PHRF1: variants seen among roughly 807,000 people sequenced by gnomAD.
PHRF1 encodes PHD and ring finger domains 1.
PHRF1 carries 53 observed loss-of-function variants against 128.9 expected under a neutral mutation model. That is an observed-to-expected ratio of 0.41 (90% CI 0.33 to 0.52). The LOEUF is 0.52. Ranked by LOEUF, PHRF1 falls within the 20% of genes least tolerant of loss-of-function variation. PHRF1 has a pLI of 0.21. For missense variants in PHRF1, 2,503 were observed against 2,284.5 expected, an observed-to-expected ratio of 1.10 and a Z score of -1.95; for synonymous variants, 1,178 against 980.6, an observed-to-expected ratio of 1.20 and a Z score of -3.76.
intron 15 of PHRF1, 56 bp downstream of exon 15, chr11:610,403 C>T (rs939342514): frequency 1.3e-6 from 2 of 1,535,698 alleles, no homozygotes; most frequent in South Asian, 1.2e-5. Context: ...GCACCCGTGC[C>T]ACACACACCA....
rs765665844 is a variant in PHRF1 at position 611,061 on chromosome 11, C to T, written c.4785C>T (p.Ile1595=). 57 of 1,613,022 alleles carry T rather than the reference C, an allele frequency of 3.5e-5. No homozygotes were observed. Among genetic ancestry groups the T allele is most frequent in the Non-Finnish European group, 4.5e-5 (53 of 1,179,720 alleles). Residue 1595 remains isoleucine, a synonymous_variant, in exon 17 of 18, where the codon ATC becomes ATT. Transcript: ENST00000264555. ...TGACCAAGGAGGAGTACAAGGACATCCTGCGCAAGGCCGTGCAGAAGGTGG... is the reference window on the plus strand; with the variant it reads ...TGACCAAGGAGGAGTACAAGGACATTCTGCGCAAGGCCGTGCAGAAGGTGG... ...REVTKEEYKD[I]LRKAVQKICH...
chr11:588,670 C>T (rs369155682), intron 4 of PHRF1, among the ~76,000 whole-genome samples: 7 of 152,220 alleles, frequency 4.6e-5, no homozygotes, highest in African/African-American at 1.4e-4. Context: ...TGAGCCACCA[C>T]GCCCGGCCAT....
At chr11:592,065 G>A (rs1855003014) in intron 5 of PHRF1, among the ~76,000 whole-genome samples, 2 of 152,038 alleles carry the variant, frequency 1.3e-5, no homozygotes, top group African/African-American at 2.4e-5. Flanking sequence ...ACAGGCACCC[G>A]CCACCACGCC....
intron 2 of PHRF1, 73 bp from the exon 3 acceptor site, chr11:581,889 G>A: frequency 6.7e-7 from 1 of 1,485,256 alleles, no homozygotes; most frequent in Non-Finnish European, 8.9e-7. Context: ...CTCTATGCCT[G>A]TGCAAAGCAA....
Position 610,183 on chromosome 11 carries a change from G to T in PHRF1, c.4265-13G>T. 1 of 1,495,640 alleles carries T rather than the reference G, an allele frequency of 6.7e-7. No homozygotes were observed. The highest frequency in any genetic ancestry group is 9.0e-7 in the Non-Finnish European group (1 of 1,116,870). The allele number at this position is 1,495,640 out of a possible 1,614,324, so 92.6% of individuals were successfully genotyped here. A position where few individuals can be genotyped will look rare whatever the true frequency, so the allele number is the denominator to read the frequency against. On this transcript the variant is annotated splice_polypyrimidine_tract_variant and intron_variant, in intron 14 of 17. Coordinates refer to ENST00000264555, the MANE Select transcript of PHRF1 (RefSeq NM_001286581.2). ...GCACAGAGCACCCACCTCCCTGTCTGTCGGGCCCCCAGGGGCACCACTTCA... is the reference window on the plus strand; with the variant it reads ...GCACAGAGCACCCACCTCCCTGTCTTTCGGGCCCCCAGGGGCACCACTTCA...
At chr11:598,739 A>G (rs949403582) in intron 9 of PHRF1, among the ~76,000 whole-genome samples, 10 of 152,188 alleles carry the variant, frequency 6.6e-5, no homozygotes, top group Non-Finnish European at 4.4e-5. Context: ...GCCTTCCCGC[A>G]TTGTTCCCCT....
At chr11:606,913 C>G in intron 13 of PHRF1, 153 bp from the exon 14 acceptor site, 1 of 1,273,084 alleles carries the variant, frequency 7.9e-7, no homozygotes, top group Non-Finnish European at 1.1e-6. Flanking sequence ...AAGCAGCTCT[C>G]CGGGTGTGGA....
chr11:610,226 G>T lies in PHRF1; in HGVS notation c.4295G>T (p.Arg1432Leu). ...RAPLHRPQKP[R>L]EGAWDMEDVA... is the part of the protein sequence containing the mutation. ...CCACTTCACAGGCCACAGAAGCCCCGAGAAGGAGCCTGGGACATGGAGGAT... is the reference window on the plus strand; with the variant it reads ...CCACTTCACAGGCCACAGAAGCCCCTAGAAGGAGCCTGGGACATGGAGGAT... The change falls in exon 15 of 18, where the codon CGA becomes CTA. Residue 1432 changes from arginine (R) to leucine (L), a missense_variant. Coordinates refer to ENST00000264555, the MANE Select transcript of PHRF1 (RefSeq NM_001286581.2). 1 of 1,545,830 alleles carries T rather than the reference G, an allele frequency of 6.5e-7. No homozygotes were observed. The highest frequency in any genetic ancestry group is 8.7e-7 in the Non-Finnish European group (1 of 1,143,698).
At position 607,059 on chromosome 11, in the gene PHRF1, T is replaced by A. The variant is rs1173715400; in HGVS notation, c.1610-7T>A. On this transcript the variant is annotated splice_region_variant and splice_polypyrimidine_tract_variant and intron_variant, in intron 13 of 17. Coordinates refer to ENST00000264555, the MANE Select transcript of PHRF1 (RefSeq NM_001286581.2). ...AAATGATTGCCATTGACTTTTTTGT[T>A]TTTTAGCTCCAGTTTCTTTTCAGCG... 1.3e-6 allele frequency: 2 copies of A among 1,547,960 alleles called. No homozygotes were observed. The highest frequency in any genetic ancestry group is 1.7e-6 in the Non-Finnish European group (2 of 1,146,838).
chr11:609,298 T>C lies in PHRF1; in HGVS notation c.3842T>C (p.Ile1281Thr). 1.9e-6 allele frequency: 3 copies of C among 1,612,456 alleles called. No homozygotes were observed. Among genetic ancestry groups the C allele is most frequent in the Non-Finnish European group, 2.5e-6 (3 of 1,179,886 alleles). ...FDDFSSDAVF[I>T]QLDDMSSPPS... ...GATTTCTCAAGCGACGCCGTTTTCA[T>C]CCAGCTCGATGACATGAGCTCGCCA... is the stretch of plus-strand genomic sequence containing the variant. Residue 1281 changes from isoleucine (I) to threonine (T), a missense_variant, in exon 14 of 18, where the codon ATC (isoleucine) becomes ACC (threonine). Coordinates refer to ENST00000264555, the MANE Select transcript of PHRF1 (RefSeq NM_001286581.2).
intron 10 of PHRF1, among the ~76,000 whole-genome samples, chr11:604,146 C>T (rs143852248): frequency 6.6e-6 from 1 of 152,382 alleles, no homozygotes; most frequent in East Asian, 1.9e-4. Context: ...CCTGGGCTCT[C>T]CCTTTGCTTT....
intron 3 of PHRF1, among the ~76,000 whole-genome samples, chr11:585,821 T>C (rs1173981488): frequency 6.8e-6 from 1 of 147,920 alleles, no homozygotes; most frequent in Non-Finnish European, 1.5e-5. Context: ...GCTGGGACTA[T>C]AGGCACCTGC....
At position 592,585 on chromosome 11, in the gene PHRF1, C is replaced by CGAG. The variant is rs753201346; in HGVS notation, c.543_545dup (p.Glu181dup). 1.2e-6 allele frequency: 2 copies of CGAG among 1,613,866 alleles called. No individual in the cohort carries two copies. Among genetic ancestry groups the CGAG allele is most frequent in the Admixed American group, 1.7e-5 (1 of 60,014 alleles). On this transcript the variant is annotated inframe_insertion, in exon 6 of 18. Coordinates refer to ENST00000264555, the MANE Select transcript of PHRF1 (RefSeq NM_001286581.2). ...TCCCAGTGGAGAACACCAAAGCGAG[C>CGAG]GAGGAGGAGGAGGACCCGACCTTCT...
chr11:596,911 T>C lies in PHRF1; in HGVS notation c.621-12T>C, dbSNP rs896806847. The C allele has an allele frequency of 1.7e-5, 28 of 1,612,550 alleles. No individual in the cohort carries two copies. Among genetic ancestry groups the C allele is most frequent in the Non-Finnish European group, 2.3e-5 (27 of 1,178,844 alleles). Reference sequence around the variant, plus strand: ...CAGCACCCGGATGCTTTGGCCCTGCTCTCTCCTGTAGGTACCACATGGAAT... The same window carrying C: ...CAGCACCCGGATGCTTTGGCCCTGCCCTCTCCTGTAGGTACCACATGGAAT... On this transcript the variant is annotated splice_polypyrimidine_tract_variant and intron_variant, in intron 6 of 17. Coordinates refer to ENST00000264555, the MANE Select transcript of PHRF1 (RefSeq NM_001286581.2).
At position 592,600 on chromosome 11, in the gene PHRF1, C is replaced by G; in HGVS notation, c.546C>G (p.Asp182Glu). ...CCAAAGCGAGCGAGGAGGAGGAGGA[C>G]CCGACCTTCTGTGAGGTGTGCGGCA... is the stretch of plus-strand genomic sequence containing the variant. ...ENTKASEEEE[D>E]PTFCEVCGRS... Residue 182 changes from aspartate (D) to glutamate (E), a missense_variant, in exon 6 of 18, where the codon GAC becomes GAG. Transcript: ENST00000264555. 6.2e-7 allele frequency: 1 copy of G among 1,614,072 alleles called. No homozygotes were observed. Among genetic ancestry groups the G allele is most frequent in the South Asian group, 1.1e-5 (1 of 91,090 alleles).
intron 4 of PHRF1, among the ~76,000 whole-genome samples, chr11:589,830 C>T (rs1268903976): frequency 6.7e-6 from 1 of 150,284 alleles, no homozygotes; most frequent in Non-Finnish European, 1.5e-5. Flanking sequence ...GGGGCTCAGC[C>T]TGAGAGAGAG....
At position 582,041 on chromosome 11, in the gene PHRF1, C is replaced by T. The variant is rs1004281482; in HGVS notation, c.174C>T (p.Asp58=). Residue 58 remains aspartate, a synonymous_variant, in exon 3 of 18, where the codon GAC becomes GAT. Coordinates refer to ENST00000264555, the MANE Select transcript of PHRF1 (RefSeq NM_001286581.2). ...ATGGAGATGGCACAGACGGAGAAGACGAGGGGGCGTCTGAGGAGGAAGACC... is the reference window on the plus strand; with the variant it reads ...ATGGAGATGGCACAGACGGAGAAGATGAGGGGGCGTCTGAGGAGGAAGACC... ...SEHGDGTDGE[D]EGASEEEDLE... The T allele has an allele frequency of 6.9e-6, 11 of 1,605,676 alleles. No individual in the cohort carries two copies. The highest frequency in any genetic ancestry group is 5.3e-5 in the African/African-American group (4 of 74,806).
intron 1 of PHRF1, among the ~76,000 whole-genome samples, chr11:578,671 T>C (rs530941032): frequency 4.4e-4 from 67 of 152,324 alleles, no homozygotes; most frequent in Middle Eastern, 3.4e-3. Flanking sequence ...GCTGAAGTGA[T>C]CTTTGCACCT....
At chr11:582,714 T>C (rs1437335725) in intron 3 of PHRF1, among the ~76,000 whole-genome samples, 3 of 151,188 alleles carry the variant, frequency 2.0e-5, no homozygotes, top group Admixed American at 6.6e-5. Flanking sequence ...TTAGTAGAGA[T>C]GGGGTTTCAC....
Sources: allele counts gnomAD v4.1 joint callset (sites outside exome capture counted in the v4.1 genomes callset), GRCh38; gene constraint gnomAD v4.1.1; transcripts MANE v1.5; gene names NCBI Gene and HGNC (gene_info 2026-07-23, HGNC 2026-07-21).